Variants in SMAP2 observed in about 807,000 individuals in gnomAD.
SMAP2 encodes the protein stromal membrane-associated protein 2.
SMAP2 carries 25 observed loss-of-function variants against 56.4 expected under a neutral mutation model. That is an observed-to-expected ratio of 0.44 (90% CI 0.32 to 0.62). SMAP2 has a LOEUF of 0.62. Ranked by LOEUF, SMAP2 falls within the 20% of genes least tolerant of loss-of-function variation. The pLI is 0.04. For synonymous variants in SMAP2, 157 were observed against 181.7 expected, an observed-to-expected ratio of 0.86 and a Z score of 1.09; for missense variants, 388 against 545.6, an observed-to-expected ratio of 0.71 and a Z score of 2.88.
At chr1:40,392,816 TA>T (rs1271982770) in intron 1 of SMAP2, among the ~76,000 whole-genome samples, 1 of 152,088 alleles carries the variant, frequency 6.6e-6, no homozygotes, top group Non-Finnish European at 1.5e-5. Flanking sequence ...TATACTAAAT[TA>T]GGCCGGGCTC....
Position 40,346,115 on chromosome 1 carries a change from A to G in SMAP2, c.-83+1205A>G, listed in dbSNP as rs1368392799. On this transcript the variant is annotated intron_variant, in intron 1 of 6. Coordinates refer to the SMAP2 transcript ENST00000435168. ...ATGTGAGTCACTGCACCCAGCCACAATATACTTTTAAAGTCACTTTTATAT... is the reference window on the plus strand; with the variant it reads ...ATGTGAGTCACTGCACCCAGCCACAGTATACTTTTAAAGTCACTTTTATAT... 3.3e-5 allele frequency among the ~76,000 whole-genome samples: 5 copies of G among 151,128 alleles called. No individual in the cohort carries two copies. The East Asian group carries it at 5.8e-4, about 18-fold the overall frequency.
At chr1:40,381,458 T>TAA (rs1431348627) in intron 1 of SMAP2, among the ~76,000 whole-genome samples, 3 of 152,192 alleles carry the variant, frequency 2.0e-5, no homozygotes, top group Admixed American at 6.5e-5. Context: ...AAAGGATAAG[T>TAA]ATGACTTTGC....
intron 1 of SMAP2, among the ~76,000 whole-genome samples, chr1:40,351,383 C>T (rs1291549710): frequency 2.6e-5 from 4 of 152,186 alleles, no homozygotes. Context: ...GGTCTGAACT[C>T]TGTCTTTTCT....
Position 40,374,873 on chromosome 1 carries a change from G to A in SMAP2, c.103+650G>A. The stretch of plus-strand genomic sequence containing the variant: ...CGGATTTCTAGGCAGTGTAGCCCTG[G>A]CTTGTAGAGTGCGTTGGAGGCCTAT... On this transcript the variant is annotated intron_variant, in intron 1 of 9. Transcript: ENST00000372718. The surrounding 1 kb of genome is among the most constrained non-coding windows in gnomAD (Gnocchi z 5.9). 1 of 985,368 alleles carries A rather than the reference G, an allele frequency of 1.0e-6. No individual in the cohort carries two copies. The highest frequency in any genetic ancestry group is 1.7e-5 in the African/African-American group (1 of 57,322). 61.0% of individuals were successfully genotyped at this position (985,368 alleles called of 1,614,324 possible). A position where few individuals can be genotyped will look rare whatever the true frequency, so the allele number is the denominator to read the frequency against.
chr1:40,420,315 T>A (rs1167944024), intron 9 of SMAP2, among the ~76,000 whole-genome samples: 1 of 152,204 alleles, frequency 6.6e-6, no homozygotes, highest in Non-Finnish European at 1.5e-5. Context: ...ATAAGTCTGA[T>A]GGGAATATGT....
chr1:40,387,587 C>T (rs1455457633), intron 1 of SMAP2, among the ~76,000 whole-genome samples: 1 of 150,078 alleles, frequency 6.7e-6, no homozygotes, highest in Non-Finnish European at 1.5e-5. Context: ...CCCTGGTTTC[C>T]CCATAAGGGA....
At chr1:40,367,728 C>T (rs1644483666) in intron 2 of SMAP2, among the ~76,000 whole-genome samples, 2 of 147,382 alleles carry the variant, frequency 1.4e-5, no homozygotes, top group South Asian at 4.5e-4. Context: ...ATTTTTAGCA[C>T]TAAATGCCCA....
intron 1 of SMAP2, among the ~76,000 whole-genome samples, chr1:40,376,864 T>G (rs2124210842): frequency 6.6e-6 from 1 of 152,344 alleles, no homozygotes; most frequent in African/African-American, 2.4e-5. Flanking sequence ...TGGCATAGAC[T>G]ATCGACCTAT....
At chr1:40,358,426 C>T (rs1271667581) in intron 1 of SMAP2, among the ~76,000 whole-genome samples, 1 of 152,070 alleles carries the variant, frequency 6.6e-6, no homozygotes, top group Non-Finnish European at 1.5e-5. Context: ...CATGTGTAAT[C>T]CCAGCTACTT....
intron 9 of SMAP2, among the ~76,000 whole-genome samples, chr1:40,420,232 A>G (rs1645029055): frequency 6.6e-6 from 1 of 151,894 alleles, no homozygotes. Context: ...GTTATTTTCT[A>G]GCTTTCATAG....
rs1036151810 is a variant in SMAP2 at position 40,420,198 on chromosome 1, G to A, written c.1165-1778G>A. ...TTTTCCGTTTTCTACCTCAATTTCC[G>A]TAGGCTTTCTATGGGTTTACTTTGT... is the stretch of plus-strand genomic sequence containing the variant. On this transcript the variant is annotated intron_variant, in intron 9 of 9. Transcript: ENST00000372718. Among the ~76,000 whole-genome samples the A allele has an allele frequency of 1.2e-4, 18 of 152,054 alleles. 1 individual carries two copies. Among genetic ancestry groups the A allele is most frequent in the East Asian group, 5.8e-4 (3 of 5,186 alleles).
chr1:40,371,222 CAT>C (rs760173264), upstream of SMAP2, among the ~76,000 whole-genome samples: 1 of 151,854 alleles, frequency 6.6e-6, no homozygotes, highest in African/African-American at 2.4e-5. Context: ...GATAAGATAA[CAT>C]GTGCATGATG....
upstream of SMAP2, among the ~76,000 whole-genome samples, chr1:40,370,910 C>T (rs1038205825): frequency 1.3e-5 from 2 of 151,200 alleles, no homozygotes; most frequent in South Asian, 2.1e-4. Flanking sequence ...CGCGGTGGCT[C>T]ATGCCAGTAA....
intron 1 of SMAP2, among the ~76,000 whole-genome samples, chr1:40,345,437 G>A (rs956186618): frequency 1.1e-4 from 17 of 149,558 alleles, no homozygotes; most frequent in Non-Finnish European, 1.2e-4. Context: ...TCTTAAAAAC[G>A]CTCTATCAAT....
rs571312876 is a variant in SMAP2, at chr1:40,402,167, G to T, written c.104-4569G>T. Among the ~76,000 whole-genome samples the T allele has an allele frequency of 5.9e-5, 9 of 152,178 alleles. No homozygotes were observed. The South Asian group carries it at 1.9e-3, about 32-fold the overall frequency. ...TTATATTTTTTTCCTTGATTGCCAT[G>T]ACCAATGTGTATTAAACAATTGGTT... On this transcript the variant is annotated intron_variant, in intron 1 of 9. Transcript: ENST00000372718.
intron 1 of SMAP2, among the ~76,000 whole-genome samples, chr1:40,378,740 A>G (rs189521613): frequency 2.6e-5 from 4 of 152,340 alleles, no homozygotes; most frequent in African/African-American, 9.6e-5. Flanking sequence ...TTCTTCTGCT[A>G]CATCCTATCT....
Position 40,403,207 on chromosome 1 carries a change from TA to T in SMAP2, c.104-3523del, listed in dbSNP as rs970319048. On this transcript the variant is annotated intron_variant, in intron 1 of 9. Coordinates refer to ENST00000372718, the MANE Select transcript of SMAP2 (RefSeq NM_022733.3). ...TAGGACCAGAACTCATATTCCTTTT[TA>T]AAAAAGAAGCACTCTGGCTGAGCGC... is the stretch of plus-strand genomic sequence containing the variant. Among the ~76,000 whole-genome samples the T allele has an allele frequency of 9.2e-5, 14 of 152,262 alleles. 1 individual carries two copies. The highest frequency in any genetic ancestry group is 5.8e-4 in the East Asian group (3 of 5,176).
intron 1 of SMAP2, among the ~76,000 whole-genome samples, chr1:40,384,612 T>G (rs2124243985): frequency 6.6e-6 from 1 of 152,330 alleles, no homozygotes; most frequent in Middle Eastern, 3.4e-3. Flanking sequence ...CAGTGCAGTG[T>G]GAGTATGTTT....
At chr1:40,393,377 G>C in intron 1 of SMAP2, 2 of 1,535,438 alleles carry the variant, frequency 1.3e-6, no homozygotes, top group Non-Finnish European at 1.7e-6. Flanking sequence ...AGAGGCAGCA[G>C]AGCGCCGTGG....
Sources: allele counts gnomAD v4.1 joint callset (sites outside exome capture counted in the v4.1 genomes callset), GRCh38; gene constraint gnomAD v4.1.1; non-coding constraint Gnocchi (gnomAD v3.1); transcripts MANE v1.5; gene names NCBI Gene and HGNC (gene_info 2026-07-23, HGNC 2026-07-21).